CAMTA1: variants seen among roughly 807,000 people sequenced by gnomAD.
CAMTA1 encodes calmodulin binding transcription activator 1, also known as calmodulin-binding transcription activator 1.
Under a neutral mutation model 170.9 loss-of-function variants are expected in CAMTA1, and 27 were observed. The ratio of observed to expected loss-of-function variants is 0.16; its 90% CI spans 0.12 to 0.22. The LOEUF (loss-of-function observed/expected upper bound fraction) is 0.22. Among genes scored for constraint, CAMTA1 ranks in the 10% least tolerant of loss-of-function variants. The pLI is 1.00. For missense variants in CAMTA1, 1,619 were observed against 2,217.2 expected, an observed-to-expected ratio of 0.73 and a Z score of 5.42; for synonymous variants, 833 against 891.5, an observed-to-expected ratio of 0.93 and a Z score of 1.17.
At chr1:7,382,207 C>A (rs1202237234) in intron 5 of CAMTA1, among the ~76,000 whole-genome samples, 1 of 152,190 alleles carries the variant, frequency 6.6e-6, no homozygotes, top group Non-Finnish European at 1.5e-5. Context: ...TCCACATGCC[C>A]AGCTAAATTT....
intron 6 of CAMTA1, among the ~76,000 whole-genome samples, chr1:7,509,533 C>T (rs1045486637): frequency 7.2e-5 from 11 of 152,194 alleles, no homozygotes. Context: ...CTGTAAGTTT[C>T]AGAATGGCCC....
intron 5 of CAMTA1, among the ~76,000 whole-genome samples, chr1:7,424,453 G>T (rs114535294): frequency 9.9e-5 from 15 of 151,274 alleles, no homozygotes; most frequent in Non-Finnish European, 1.6e-4. Context: ...GGAGGATGAG[G>T]GGGGGTGGGG....
rs115281684 is a variant in CAMTA1, at chr1:7,247,790, G to A, written c.303-1701G>A. On this transcript the variant is annotated intron_variant, in intron 4 of 22. Coordinates refer to ENST00000303635, the MANE Select transcript of CAMTA1 (RefSeq NM_015215.4). Reference sequence around the variant, plus strand: ...CAAACATCTAGAGAGGGGCTGAAGCGGGAAGAGGCTGACATCGTTGGCCCC... The same window carrying A: ...CAAACATCTAGAGAGGGGCTGAAGCAGGAAGAGGCTGACATCGTTGGCCCC... Among the ~76,000 whole-genome samples, 657 of 152,298 alleles carry A rather than the reference G, an allele frequency of 4.3e-3. 8 individuals carry two copies. Among genetic ancestry groups the A allele is most frequent in the Admixed American group, 6.8e-3 (104 of 15,298 alleles).
chr1:7,661,671 C>T (rs979132451), intron 7 of CAMTA1, 55 bp from the exon 8 acceptor site: 7 of 1,604,542 alleles, frequency 4.4e-6, no homozygotes, highest in Non-Finnish European at 5.1e-6. Flanking sequence ...TGGCCCCACC[C>T]AGGTCCCCTC....
intron 4 of CAMTA1, among the ~76,000 whole-genome samples, chr1:7,187,876 G>T (rs1653716709): frequency 6.6e-6 from 1 of 152,208 alleles, no homozygotes; most frequent in Non-Finnish European, 1.5e-5. Flanking sequence ...TTTTGATGCA[G>T]GAACATTGGG....
intron 3 of CAMTA1, among the ~76,000 whole-genome samples, chr1:6,832,345 G>A (rs1281412296): frequency 6.6e-6 from 1 of 152,068 alleles, no homozygotes; most frequent in African/African-American, 2.4e-5. Flanking sequence ...TCAAAGTGCT[G>A]GGATTACAGG....
chr1:7,079,581 T>A (rs1463748751), intron 3 of CAMTA1, among the ~76,000 whole-genome samples: 1 of 151,868 alleles, frequency 6.6e-6, no homozygotes, highest in Non-Finnish European at 1.5e-5. Context: ...AAGCGATTCT[T>A]GTGCCTCAGC....
chr1:7,151,144 G>A (rs2148685901), intron 4 of CAMTA1, among the ~76,000 whole-genome samples: 1 of 152,352 alleles, frequency 6.6e-6, no homozygotes, highest in South Asian at 2.1e-4. Context: ...GCTGTCAAAT[G>A]CTAACAAGAA....
intron 3 of CAMTA1, among the ~76,000 whole-genome samples, chr1:6,914,558 T>C (rs1680391708): frequency 6.6e-6 from 1 of 152,222 alleles, no homozygotes; most frequent in African/African-American, 2.4e-5. Flanking sequence ...CTAGTGGCCA[T>C]GCAATGGCCA....
intron 1 of CAMTA1, among the ~76,000 whole-genome samples, chr1:6,786,727 C>G (rs1639504927): frequency 6.6e-6 from 1 of 152,098 alleles, no homozygotes; most frequent in South Asian, 2.1e-4. Context: ...CACCGTGCTC[C>G]TTTCGCCATT....
At chr1:6,840,755 C>A (rs1570750877) in intron 3 of CAMTA1, among the ~76,000 whole-genome samples, 1 of 152,220 alleles carries the variant, frequency 6.6e-6, no homozygotes, top group African/African-American at 2.4e-5. Flanking sequence ...GGAGACTAAG[C>A]CCCGAGCAGT....
intron 5 of CAMTA1, among the ~76,000 whole-genome samples, chr1:7,259,165 G>C (rs1020389857): frequency 2.0e-5 from 3 of 152,166 alleles, no homozygotes; most frequent in Non-Finnish European, 2.9e-5. Context: ...CTTCCCTGTG[G>C]ATGCCCTCCC....
At chr1:7,330,347 G>T (rs1433431982) in intron 5 of CAMTA1, among the ~76,000 whole-genome samples, 3 of 152,330 alleles carry the variant, frequency 2.0e-5, no homozygotes, top group Non-Finnish European at 4.4e-5. Context: ...GGACCACGCG[G>T]CAGGAAGAGG....
intron 6 of CAMTA1, among the ~76,000 whole-genome samples, chr1:7,569,262 C>G (rs912749450): frequency 6.9e-6 from 1 of 144,888 alleles, no homozygotes; most frequent in Non-Finnish European, 1.5e-5. Flanking sequence ...ACCAAATCAC[C>G]ATCATCATCA....
intron 4 of CAMTA1, among the ~76,000 whole-genome samples, chr1:7,143,122 G>A (rs1490056555): frequency 6.6e-6 from 1 of 152,164 alleles, no homozygotes; most frequent in African/African-American, 2.4e-5. Context: ...GTAGAAAACT[G>A]AGCAGAGAAA....
At chr1:7,147,373 G>A (rs1212997227) in intron 4 of CAMTA1, among the ~76,000 whole-genome samples, 17 of 149,586 alleles carry the variant, frequency 1.1e-4, no homozygotes, top group Non-Finnish European at 2.5e-4. Flanking sequence ...GCAGTGAGCC[G>A]AGATCGTGCC....
chr1:6,936,258 G>A (rs1295420227), intron 3 of CAMTA1, among the ~76,000 whole-genome samples: 1 of 152,180 alleles, frequency 6.6e-6, no homozygotes, highest in Non-Finnish European at 1.5e-5. Flanking sequence ...ATCTAATGTG[G>A]CAATTTTCCT....
chr1:7,495,706 C>G (rs1370614729), intron 6 of CAMTA1, among the ~76,000 whole-genome samples: 1 of 152,230 alleles, frequency 6.6e-6, no homozygotes, highest in Non-Finnish European at 1.5e-5. Context: ...TAGGCCCTGG[C>G]CAGGTGCGGA....
At chr1:7,381,557 T>C (rs1433763791) in intron 5 of CAMTA1, among the ~76,000 whole-genome samples, 3 of 151,436 alleles carry the variant, frequency 2.0e-5, no homozygotes, top group Non-Finnish European at 4.4e-5. Context: ...TCTATCATTG[T>C]TGGACATTTG....
Sources: allele counts gnomAD v4.1 joint callset (sites outside exome capture counted in the v4.1 genomes callset), GRCh38; gene constraint gnomAD v4.1.1; transcripts MANE v1.5; gene names NCBI Gene and HGNC (gene_info 2026-07-23, HGNC 2026-07-21).